CNTLN: variants seen among roughly 807,000 people sequenced by gnomAD.
CNTLN encodes centlein.
In CNTLN, 212 loss-of-function variants were observed where a neutral mutation model predicts 180.0. The observed-to-expected ratio is 1.18, with a 90% CI of 1.05 to 1.32. The LOEUF (loss-of-function observed/expected upper bound fraction) is 1.32, where lower values mean the gene tolerates loss of function less well. Among genes scored for constraint, CNTLN ranks in the 40% most tolerant of loss-of-function variants. The pLI, the probability that CNTLN is intolerant of heterozygous loss-of-function variation, is 0.00. For synonymous variants in CNTLN, 722 were observed against 563.1 expected (o/e 1.28, Z -3.99); for missense variants, 2,095 against 1,610.9 (o/e 1.30, Z -5.14).
chr9:17,301,327 C>G (rs1818332122), intron 7 of CNTLN: 1 of 985,218 alleles, frequency 1.0e-6, no homozygotes, highest in Non-Finnish European at 1.2e-6. Context: ...TTATGTTTAT[C>G]CCTTCCAAGA....
chr9:17,422,223 G>T (rs1413593604), intron 18 of CNTLN, among the ~76,000 whole-genome samples: 3 of 151,978 alleles, frequency 2.0e-5, no homozygotes, highest in African/African-American at 7.2e-5. Flanking sequence ...CCTCTTTCCT[G>T]GCCTGTAAGG....
intron 18 of CNTLN, among the ~76,000 whole-genome samples, chr9:17,434,587 CTGTGTA>C (rs936278028): frequency 5.9e-5 from 9 of 151,824 alleles, no homozygotes; most frequent in African/African-American, 2.2e-4. Context: ...AGAGGCTAGT[CTGTGTA>C]TATTTCCAAA....
At chr9:17,278,250 AGAT>A (rs1352398977) in intron 6 of CNTLN, among the ~76,000 whole-genome samples, 9 of 151,786 alleles carry the variant, frequency 5.9e-5, no homozygotes, top group African/African-American at 2.2e-4. Flanking sequence ...AGCAGAGTAG[AGAT>A]GATGAAGACT....
chr9:17,249,033 C>G (rs1434836539), intron 5 of CNTLN, among the ~76,000 whole-genome samples: 1 of 151,876 alleles, frequency 6.6e-6, no homozygotes, highest in Non-Finnish European at 1.5e-5. Context: ...CTTTGATTCT[C>G]AATTGTTTTT....
intron 8 of CNTLN, among the ~76,000 whole-genome samples, chr9:17,325,285 T>C (rs1587661030): frequency 1.3e-5 from 1 of 77,750 alleles, no homozygotes. Flanking sequence ...GTAATAGACA[T>C]ATTGCTGCAT....
In CNTLN at chr9:17,466,867, A is replaced by G. The variant is rs945736487; in HGVS notation, c.3831A>G (p.Val1277=). ...QKTLLLANEK[V]EEFTTFVKAL... is the part of the protein sequence containing the mutation. ...CATTGCTGTTAGCCAATGAAAAAGT[A>G]GAAGAGTTCACCACATTTGTGAAGG... is the stretch of plus-strand genomic sequence containing the variant. Residue 1277 remains valine, a synonymous_variant, in exon 23 of 26, where the codon GTA becomes GTG. Coordinates refer to ENST00000380647, the MANE Select transcript of CNTLN (RefSeq NM_017738.4). 3.1e-6 allele frequency: 5 copies of G among 1,609,602 alleles called. No individual in the cohort carries two copies. In the African/African-American group the frequency reaches 5.4e-5, roughly 17 times the overall value.
chr9:17,342,393 G>A lies in CNTLN; in HGVS notation c.1835G>A (p.Trp612Ter). The A allele has an allele frequency of 6.2e-7, 1 of 1,611,392 alleles. No individual in the cohort carries two copies. The highest frequency in any genetic ancestry group is 8.5e-7 in the Non-Finnish European group (1 of 1,178,900). Residue 612 changes from tryptophan (W) to a stop codon, truncating the protein, a stop_gained, in exon 12 of 26, where the codon TGG (tryptophan) becomes TAG (stop). Transcript: ENST00000380647. LOFTEE classifies it high-confidence loss of function. ...CGACAAGAAGATTCTGACGCTGTGT[G>A]GAATGAACTGGCATATTTCAAAAGG... ...QLRQEDSDAV[W>*]NELAYFKREN... is the part of the protein sequence containing the mutation.
At chr9:17,440,369 C>A (rs1461608430) in intron 18 of CNTLN, among the ~76,000 whole-genome samples, 2 of 146,638 alleles carry the variant, frequency 1.4e-5, no homozygotes, top group South Asian at 2.2e-4. Flanking sequence ...GTCAGGAGAT[C>A]GAGACCATCC....
intron 9 of CNTLN, among the ~76,000 whole-genome samples, chr9:17,332,400 A>G (rs1820703317): frequency 6.6e-6 from 1 of 152,072 alleles, no homozygotes; most frequent in Non-Finnish European, 1.5e-5. Context: ...ATGTAAATGA[A>G]TATTCTCATT....
At chr9:17,333,586 G>T (rs1820788272) in intron 10 of CNTLN, among the ~76,000 whole-genome samples, 1 of 152,094 alleles carries the variant, frequency 6.6e-6, no homozygotes, top group African/African-American at 2.4e-5. Flanking sequence ...GATTATGTGT[G>T]TTCTAAAACA....
chr9:17,523,136 C>T, the CNTLN span, among the ~76,000 whole-genome samples: 2 of 152,320 alleles, frequency 1.3e-5, no homozygotes, highest in South Asian at 4.1e-4. Flanking sequence ...AATGTTGACA[C>T]TCCACTATCT....
intron 14 of CNTLN, among the ~76,000 whole-genome samples, chr9:17,392,532 T>C (rs1265050614): frequency 6.6e-6 from 1 of 152,168 alleles, no homozygotes; most frequent in Non-Finnish European, 1.5e-5. Flanking sequence ...GTGTTTACAT[T>C]GAGAAGGAAC....
intron 19 of CNTLN, among the ~76,000 whole-genome samples, chr9:17,460,993 A>G (rs1369787256): frequency 2.0e-5 from 3 of 151,610 alleles, no homozygotes; most frequent in African/African-American, 7.3e-5. Flanking sequence ...TTGACAGAGA[A>G]AAAAAGGCAA....
chr9:17,226,972 G>A (rs1824512856), intron 3 of CNTLN, among the ~76,000 whole-genome samples: 1 of 151,674 alleles, frequency 6.6e-6, no homozygotes, highest in Non-Finnish European at 1.5e-5. Context: ...TAGGGTACAT[G>A]TGCACAACGT....
At chr9:17,397,198 T>A (rs1826601765) in intron 15 of CNTLN, among the ~76,000 whole-genome samples, 1 of 152,124 alleles carries the variant, frequency 6.6e-6, no homozygotes, top group African/African-American at 2.4e-5. Context: ...CAGAAAGAGG[T>A]CCCAATTCAG....
At chr9:17,209,792 G>A (rs7847327) in intron 2 of CNTLN, among the ~76,000 whole-genome samples, 3,130 of 152,258 alleles carry the variant, frequency 0.021, 63 homozygotes, top group African/African-American at 0.056. Context: ...ATAAGAATGT[G>A]GTTCACCAAG....
chr9:17,340,244 C>T (rs542464882), intron 10 of CNTLN, among the ~76,000 whole-genome samples: 7 of 152,122 alleles, frequency 4.6e-5, no homozygotes, highest in Non-Finnish European at 1.0e-4. Context: ...GTTTTATAAC[C>T]TCTTTAAGAG....
At chr9:17,215,850 C>T (rs1299516535) in intron 2 of CNTLN, among the ~76,000 whole-genome samples, 3 of 152,146 alleles carry the variant, frequency 2.0e-5, no homozygotes, top group Non-Finnish European at 4.4e-5. Context: ...ACCCTCTGAG[C>T]CAGGCGCGGG....
intron 5 of CNTLN, among the ~76,000 whole-genome samples, chr9:17,267,272 G>A (rs923554147): frequency 6.6e-6 from 1 of 152,070 alleles, no homozygotes; most frequent in Non-Finnish European, 1.5e-5. Context: ...TGTCTGTAAA[G>A]TATTTTATTT....
Sources: allele counts gnomAD v4.1 joint callset (sites outside exome capture counted in the v4.1 genomes callset), GRCh38; gene constraint gnomAD v4.1.1; transcripts MANE v1.5; gene names NCBI Gene and HGNC (gene_info 2026-07-23, HGNC 2026-07-21).